DOCK3: variants seen among roughly 807,000 people sequenced by gnomAD.
DOCK3 encodes the protein dedicator of cytokinesis protein 3.
In DOCK3, 60 loss-of-function variants were observed where a neutral mutation model predicts 265.6. That is an observed-to-expected ratio of 0.23 (90% CI 0.18 to 0.28). DOCK3 has a LOEUF of 0.28. Among genes scored for constraint, DOCK3 ranks in the 10% least tolerant of loss-of-function variants. The pLI is 1.00. For synonymous variants in DOCK3, 881 were observed against 938.0 expected (o/e 0.94, Z 1.11); for missense variants, 1,981 against 2,594.3 (o/e 0.76, Z 5.14).
chr3:51,379,225 T>C (rs1222723987), intron 51 of DOCK3, among the ~76,000 whole-genome samples: 1 of 152,218 alleles, frequency 6.6e-6, no homozygotes, highest in Non-Finnish European at 1.5e-5. Context: ...TCTTTAGACA[T>C]AAACTCACTC....
intron 5 of DOCK3, among the ~76,000 whole-genome samples, chr3:51,040,077 A>G (rs913080198): frequency 6.6e-6 from 1 of 151,988 alleles, no homozygotes; most frequent in African/African-American, 2.4e-5. Context: ...TCAATATGAT[A>G]AGCCAGTTTT....
At chr3:50,847,970 C>CT (rs2046171215) in intron 3 of DOCK3, among the ~76,000 whole-genome samples, 1 of 149,520 alleles carries the variant, frequency 6.7e-6, no homozygotes, top group Non-Finnish European at 1.5e-5. Context: ...TTTTAGGAAT[C>CT]TGTGTGTTCC....
In DOCK3 at chr3:51,359,447, G is replaced by A. The variant is rs994243361; in HGVS notation, c.4885-1064G>A. 5.3e-5 allele frequency among the ~76,000 whole-genome samples: 8 copies of A among 152,290 alleles called. No individual in the cohort carries two copies. The East Asian group carries it at 1.2e-3, about 22-fold the overall frequency. ...TGCAGAGAAGCTCTTTTACATCTCC[G>A]CCTTAAAATTGGAGTGTCCATTTAG... On this transcript the variant is annotated intron_variant, in intron 46 of 52. Coordinates refer to ENST00000266037, the MANE Select transcript of DOCK3 (RefSeq NM_004947.5). This position sits in a 1 kb window ranked among gnomAD's most constrained non-coding sequence, Gnocchi z 4.8.
intron 14 of DOCK3, among the ~76,000 whole-genome samples, chr3:51,220,685 A>G (rs2355937): frequency 0.056 from 2,147 of 38,064 alleles, 73 homozygotes; most frequent in African/African-American, 0.17. Context: ...ATATATATAT[A>G]TATGTGTGTG....
At chr3:51,210,753 A>G (rs934957028) in intron 13 of DOCK3, among the ~76,000 whole-genome samples, 2 of 152,214 alleles carry the variant, frequency 1.3e-5, no homozygotes, top group Admixed American at 6.5e-5. Context: ...ATAAACTTTT[A>G]CCCATCTTTG....
intron 4 of DOCK3, 93 bp downstream of exon 4, chr3:50,890,174 A>G: frequency 9.9e-7 from 1 of 1,014,912 alleles, no homozygotes; most frequent in Non-Finnish European, 1.3e-6. Flanking sequence ...AAAATATACA[A>G]TTGATATGTT....
At chr3:50,970,098 GA>G (rs995714318) in intron 5 of DOCK3, among the ~76,000 whole-genome samples, 4 of 149,140 alleles carry the variant, frequency 2.7e-5, no homozygotes, top group Non-Finnish European at 4.5e-5. Flanking sequence ...GAAAAGAAAA[GA>G]AAAAAACTAT....
intron 4 of DOCK3, among the ~76,000 whole-genome samples, chr3:50,905,095 G>A (rs2049412315): frequency 6.6e-6 from 1 of 151,890 alleles, no homozygotes; most frequent in African/African-American, 2.4e-5. Context: ...TATTTCTGAG[G>A]GCTCTGTTCT....
chr3:51,379,409 G>A (rs1401661743), intron 51 of DOCK3: 2 of 985,370 alleles, frequency 2.0e-6, no homozygotes, highest in Admixed American at 1.2e-4. Flanking sequence ...GGTGGCTCAA[G>A]AAGTAACCTC....
chr3:51,226,569 G>T (rs1157372845), intron 15 of DOCK3, among the ~76,000 whole-genome samples: 1 of 152,216 alleles, frequency 6.6e-6, no homozygotes, highest in Non-Finnish European at 1.5e-5. Flanking sequence ...ACAACGATTT[G>T]TATGTCATTT....
intron 22 of DOCK3, among the ~76,000 whole-genome samples, chr3:51,250,976 C>T (rs917749104): frequency 3.3e-5 from 5 of 152,174 alleles, no homozygotes; most frequent in Admixed American, 1.3e-4. Context: ...CCCATTAACT[C>T]GTCATTTACA....
intron 13 of DOCK3, among the ~76,000 whole-genome samples, chr3:51,209,488 A>G (rs2089395059): frequency 6.6e-6 from 1 of 152,226 alleles, no homozygotes; most frequent in Non-Finnish European, 1.5e-5. Flanking sequence ...TGCTTGATTA[A>G]ATTAGAAGCA....
At chr3:51,281,105 A>T (rs940376698) in intron 27 of DOCK3, among the ~76,000 whole-genome samples, 4 of 151,656 alleles carry the variant, frequency 2.6e-5, no homozygotes, top group Non-Finnish European at 5.9e-5. Flanking sequence ...TCTTTTCTTT[A>T]TTACAGCTAA....
At chr3:50,713,154 G>C (rs1001999625) in intron 1 of DOCK3, among the ~76,000 whole-genome samples, 8 of 152,164 alleles carry the variant, frequency 5.3e-5, no homozygotes, top group Non-Finnish European at 1.5e-5. Flanking sequence ...TGTGTTCTCA[G>C]GCAGATTTAT....
intron 2 of DOCK3, among the ~76,000 whole-genome samples, chr3:50,815,620 T>C (rs1339978426): frequency 8.3e-6 from 1 of 120,204 alleles, no homozygotes; most frequent in East Asian, 2.2e-4. Flanking sequence ...CGGAAGGCAA[T>C]TTTTTTTTTT....
rs545774834 is a variant in DOCK3 at position 51,350,477 on chromosome 3, C to T, written c.4107+85C>T. The T allele has an allele frequency of 2.2e-3, 3,138 of 1,440,056 alleles. 7 individuals carry two copies. The highest frequency in any genetic ancestry group is 2.8e-3 in the Non-Finnish European group (2,945 of 1,043,272). 89.2% of individuals were successfully genotyped at this position (1,440,056 alleles called of 1,614,324 possible). A position where few individuals can be genotyped will look rare whatever the true frequency, so the allele number is the denominator to read the frequency against. ...CGATATTCTTTTCTTCCCCTTTTTG[C>T]CTTTTCTACTGAATACTTCTTTACA... On this transcript the variant is annotated intron_variant, in intron 40 of 52. Coordinates refer to ENST00000266037, the MANE Select transcript of DOCK3 (RefSeq NM_004947.5).
chr3:50,931,299 A>G (rs1006759093), intron 4 of DOCK3, among the ~76,000 whole-genome samples: 3 of 152,182 alleles, frequency 2.0e-5, no homozygotes, highest in Non-Finnish European at 2.9e-5. Flanking sequence ...ATGAATCTTT[A>G]TCTGACTGCA....
intron 38 of DOCK3, among the ~76,000 whole-genome samples, chr3:51,348,249 A>AACT (rs2110169870): frequency 6.6e-6 from 1 of 152,370 alleles, no homozygotes; most frequent in South Asian, 2.1e-4. Context: ...CTAACTAGGC[A>AACT]AGGATCATCT....
intron 2 of DOCK3, among the ~76,000 whole-genome samples, chr3:50,813,685 A>G (rs187128116): frequency 2.0e-5 from 3 of 152,322 alleles, no homozygotes; most frequent in African/African-American, 7.2e-5. Flanking sequence ...AATTTTAAGT[A>G]AAACCTGCTT....
Sources: allele counts gnomAD v4.1 joint callset (sites outside exome capture counted in the v4.1 genomes callset), GRCh38; gene constraint gnomAD v4.1.1; non-coding constraint Gnocchi (gnomAD v3.1); transcripts MANE v1.5; gene names NCBI Gene and HGNC (gene_info 2026-07-23, HGNC 2026-07-21).